Variants in LRP1B observed in about 807,000 individuals in gnomAD.
LRP1B encodes LDL receptor related protein 1B.
A neutral mutation model predicts 556.6 loss-of-function variants in LRP1B; 217 were observed. The observed-to-expected ratio is 0.39, with a 90% CI of 0.35 to 0.44. The LOEUF is 0.44. Among genes scored for constraint, LRP1B ranks in the 20% least tolerant of loss-of-function variants. The pLI is 1.00. For synonymous variants in LRP1B, 2,047 were observed against 1,865.8 expected, an observed-to-expected ratio of 1.10 and a Z score of -2.50; for missense variants, 5,053 against 5,620.8, an observed-to-expected ratio of 0.90 and a Z score of 3.23.
At chr2:141,513,624 G>C (rs572036350) in intron 2 of LRP1B, among the ~76,000 whole-genome samples, 11 of 152,094 alleles carry the variant, frequency 7.2e-5, no homozygotes, top group Admixed American at 7.2e-4. Flanking sequence ...TATGCAAGTA[G>C]GTAATTAAAG....
rs70991157 is a variant in LRP1B, at chr2:141,315,882, CTTTTTTTTTTTTTTT to C, written c.344-61256_344-61242del. On this transcript the variant is annotated intron_variant, in intron 3 of 90. Transcript: ENST00000389484. ...GAAAATCCTCTATCTTTAGTCTGGT[CTTTTTTTTTTTTTTT>C]TTTTTTTTTTTTTTTTTTTTAACAT... is the stretch of plus-strand genomic sequence containing the variant. Among the ~76,000 whole-genome samples, 11 of 18,142 alleles carry C rather than the reference CTTTTTTTTTTTTTTT, an allele frequency of 6.1e-4. 1 individual carries two copies. In the South Asian group the frequency reaches 0.014, roughly 23 times the overall value. The allele number at this position is 18,142 out of a possible 152,430, so 11.9% of individuals were successfully genotyped here. A position where few individuals can be genotyped will look rare whatever the true frequency, so the allele number is the denominator to read the frequency against.
intron 1 of LRP1B, among the ~76,000 whole-genome samples, chr2:142,091,066 A>C (rs543885794): frequency 6.6e-6 from 1 of 152,218 alleles, no homozygotes; most frequent in East Asian, 1.9e-4. Context: ...TTTTTTGATT[A>C]ATCACTAAGT....
chr2:141,218,852 A>T (rs185578428), intron 6 of LRP1B, among the ~76,000 whole-genome samples: 1 of 152,162 alleles, frequency 6.6e-6, no homozygotes, highest in Non-Finnish European at 1.5e-5. Flanking sequence ...GAGAAGAACA[A>T]AAACAGTAAG....
intron 41 of LRP1B, among the ~76,000 whole-genome samples, chr2:140,697,451 CG>C (rs201997493): frequency 0.014 from 2,106 of 151,932 alleles, 37 homozygotes; most frequent in South Asian, 0.05. Flanking sequence ...ACAACACTCT[CG>C]TTTTTTTCAT....
rs972827006 is a variant in LRP1B, at chr2:140,559,206, G to A, written c.7195-17235C>T. On this transcript the variant is annotated intron_variant, in intron 43 of 90. Coordinates refer to ENST00000389484, the MANE Select transcript of LRP1B (RefSeq NM_018557.3). ...CAAAATTCTACAAGATAAATTAACT[G>A]TTTTTTTTTAACAACCGAAAATTTC... 8.0e-5 allele frequency among the ~76,000 whole-genome samples: 12 copies of A among 150,480 alleles called. 1 individual carries two copies. The highest frequency in any genetic ancestry group is 6.7e-4 in the Admixed American group (10 of 15,024).
chr2:140,669,872 A>G (rs1285440323), intron 41 of LRP1B, among the ~76,000 whole-genome samples: 1 of 152,168 alleles, frequency 6.6e-6, no homozygotes, highest in Non-Finnish European at 1.5e-5. Context: ...AATTCATATT[A>G]CTATAGTTTT....
At chr2:140,724,760 T>G (rs892925141) in intron 35 of LRP1B, among the ~76,000 whole-genome samples, 1 of 151,924 alleles carries the variant, frequency 6.6e-6, no homozygotes, top group African/African-American at 2.4e-5. Flanking sequence ...TATAAAGTCA[T>G]AGTACTAATG....
At chr2:140,475,611 C>A (rs987570360) in intron 59 of LRP1B, among the ~76,000 whole-genome samples, 5 of 150,778 alleles carry the variant, frequency 3.3e-5, no homozygotes, top group African/African-American at 1.2e-4. Context: ...ATGTGTTAAC[C>A]AATTATAGAT....
chr2:141,268,492 A>G (rs1376109029), intron 3 of LRP1B, among the ~76,000 whole-genome samples: 2 of 152,210 alleles, frequency 1.3e-5, no homozygotes, highest in Non-Finnish European at 2.9e-5. Context: ...AGGGGACAGT[A>G]TTAAAATAAA....
At chr2:140,661,951 C>T (rs1685112074) in intron 41 of LRP1B, among the ~76,000 whole-genome samples, 1 of 152,090 alleles carries the variant, frequency 6.6e-6, no homozygotes. Flanking sequence ...AAACACTTGA[C>T]ATAAGTCATC....
intron 2 of LRP1B, among the ~76,000 whole-genome samples, chr2:141,514,347 C>T (rs1256149307): frequency 2.0e-5 from 3 of 152,278 alleles, no homozygotes; most frequent in East Asian, 1.9e-4. Flanking sequence ...GCTCTCCATC[C>T]ACGGGATCTT....
chr2:141,123,299 C>T (rs75681703), intron 7 of LRP1B, among the ~76,000 whole-genome samples: 175 of 150,304 alleles, frequency 1.2e-3, no homozygotes, highest in African/African-American at 3.8e-3. Flanking sequence ...ACAACAGTTT[C>T]TTTGCTTTGG....
intron 2 of LRP1B, among the ~76,000 whole-genome samples, chr2:141,555,814 A>T (rs1027310784): frequency 6.6e-6 from 1 of 151,924 alleles, no homozygotes; most frequent in African/African-American, 2.4e-5. Flanking sequence ...AGATTAAAAG[A>T]GTCTTTGAAA....
intron 1 of LRP1B, among the ~76,000 whole-genome samples, chr2:142,014,565 T>C (rs553864412): frequency 9.2e-5 from 14 of 152,118 alleles, no homozygotes; most frequent in African/African-American, 3.4e-4. Context: ...CCCAATTTTA[T>C]GTGAAAAGAA....
At chr2:141,785,019 G>A (rs1695384675) in intron 2 of LRP1B, among the ~76,000 whole-genome samples, 1 of 151,858 alleles carries the variant, frequency 6.6e-6, no homozygotes, top group Non-Finnish European at 1.5e-5. Context: ...TGGCATACTA[G>A]AGACTTCTAG....
At chr2:141,294,731 T>C (rs972472498) in intron 3 of LRP1B, among the ~76,000 whole-genome samples, 5 of 100,202 alleles carry the variant, frequency 5.0e-5, no homozygotes, top group African/African-American at 1.5e-4. Context: ...CAGAATGAGA[T>C]TCTGTCTCAA....
chr2:142,112,907 T>G (rs1275637523), intron 1 of LRP1B, among the ~76,000 whole-genome samples: 1 of 152,136 alleles, frequency 6.6e-6, no homozygotes, highest in Non-Finnish European at 1.5e-5. Context: ...AGTCATGGAT[T>G]AAAGGACTCT....
intron 2 of LRP1B, among the ~76,000 whole-genome samples, chr2:141,485,796 T>C (rs1439578272): frequency 6.6e-6 from 1 of 152,146 alleles, no homozygotes; most frequent in Non-Finnish European, 1.5e-5. Flanking sequence ...CCTGAGAATA[T>C]GGCAACGTTG....
At chr2:140,542,032 C>G (rs1680156178) in intron 43 of LRP1B, 61 bp from the exon 44 acceptor site, 1 of 1,081,170 alleles carries the variant, frequency 9.2e-7, no homozygotes, top group Non-Finnish European at 1.3e-6. Flanking sequence ...TACGTCCACA[C>G]CTATTTTTGC....
Sources: allele counts gnomAD v4.1 joint callset (sites outside exome capture counted in the v4.1 genomes callset), GRCh38; gene constraint gnomAD v4.1.1; transcripts MANE v1.5; gene names NCBI Gene and HGNC (gene_info 2026-07-23, HGNC 2026-07-21).